The following GTF2E1 variants were observed in gnomAD, a reference collection of about 807,000 sequenced individuals.
The protein encoded by GTF2E1 is TFIIE alpha subunit.
In GTF2E1, 14 loss-of-function variants were observed where a neutral mutation model predicts 34.9. The ratio of observed to expected loss-of-function variants is 0.40; its 90% CI spans 0.27 to 0.63. The LOEUF is 0.63. Among genes scored for constraint, GTF2E1 ranks in the 20% least tolerant of loss-of-function variants. The pLI is 0.39. For missense variants in GTF2E1, 469 were observed against 557.7 expected (o/e 0.84, Z 1.60); for synonymous variants, 188 against 192.9 (o/e 0.97, Z 0.21).
Position 120,750,816 on chromosome 3 carries a change from C to T in GTF2E1, c.264C>T (p.Arg88=). 6.2e-7 allele frequency: 1 copy of T among 1,613,948 alleles called. No homozygotes were observed. The highest frequency in any genetic ancestry group is 1.6e-4 in the Middle Eastern group (1 of 6,062). The change falls in exon 2 of 5, where the codon CGC becomes CGT. Residue 88 remains arginine, a synonymous_variant. Coordinates refer to ENST00000283875, the MANE Select transcript of GTF2E1 (RefSeq NM_005513.3). The part of the protein sequence containing the change: ...VETAADGKTT[R]HNYYFINYRT... Reference sequence around the variant, plus strand: ...CTGCTGCAGACGGGAAAACCACTCGCCATAACTACTACTTCATCAATTATC... The same window carrying T: ...CTGCTGCAGACGGGAAAACCACTCGTCATAACTACTACTTCATCAATTATC...
intron 2 of GTF2E1, among the ~76,000 whole-genome samples, chr3:120,758,142 C>T (rs140981704): frequency 0.017 from 2,525 of 152,114 alleles, 41 homozygotes; most frequent in South Asian, 0.044. Flanking sequence ...GGCAACAGAG[C>T]GAAACTCTGT....
chr3:120,766,785 G>A (rs116435541), intron 2 of GTF2E1, among the ~76,000 whole-genome samples: 2,364 of 152,044 alleles, frequency 0.016, 34 homozygotes, highest in South Asian at 0.032. Flanking sequence ...TTGCTGACTG[G>A]TTCTGTCTGT....
intron 4 of GTF2E1, among the ~76,000 whole-genome samples, chr3:120,777,638 A>C (rs994603584): frequency 2.0e-5 from 3 of 152,154 alleles, no homozygotes; most frequent in Non-Finnish European, 2.9e-5. Flanking sequence ...TAATACCTCT[A>C]CTGTGATTCT....
intron 3 of GTF2E1, among the ~76,000 whole-genome samples, chr3:120,775,549 A>G (rs1709391993): frequency 6.6e-6 from 1 of 152,170 alleles, no homozygotes; most frequent in Non-Finnish European, 1.5e-5. Flanking sequence ...AGAATTTGGA[A>G]CAGATTGAGA....
chr3:120,763,238 C>T (rs1183090084), intron 2 of GTF2E1, among the ~76,000 whole-genome samples: 1 of 152,086 alleles, frequency 6.6e-6, no homozygotes, highest in African/African-American at 2.4e-5. Flanking sequence ...TAATATTCAT[C>T]CATGTATTAT....
At chr3:120,771,493 G>A (rs1559834110) in intron 3 of GTF2E1, among the ~76,000 whole-genome samples, 4 of 152,110 alleles carry the variant, frequency 2.6e-5, no homozygotes, top group African/African-American at 9.7e-5. Flanking sequence ...GCCAGAAAAG[G>A]TGGTTTATAT....
intron 1 of GTF2E1, among the ~76,000 whole-genome samples, chr3:120,744,684 T>C (rs1709090627): frequency 6.6e-6 from 1 of 152,210 alleles, no homozygotes; most frequent in Non-Finnish European, 1.5e-5. Flanking sequence ...TCTGTTCTCT[T>C]CTTGCAATTT....
intron 3 of GTF2E1, 76 bp downstream of exon 3, chr3:120,771,005 A>G: frequency 8.5e-7 from 1 of 1,179,364 alleles, no homozygotes; most frequent in Non-Finnish European, 1.3e-6. Context: ...ACCTTGGAGA[A>G]CAAGAGTGGG....
At chr3:120,763,930 T>C (rs779378408) in intron 2 of GTF2E1, among the ~76,000 whole-genome samples, 3 of 152,194 alleles carry the variant, frequency 2.0e-5, no homozygotes, top group Non-Finnish European at 2.9e-5. Flanking sequence ...TTCTATTTGC[T>C]TCCTCCCCAA....
chr3:120,743,055 T>A (rs752157266), intron 1 of GTF2E1: 1 of 160,216 alleles, frequency 6.2e-6, no homozygotes, highest in African/African-American at 2.4e-5. Context: ...GAGTCTCGCA[T>A]TGGGGAGGAG....
rs1051887779 is a variant in GTF2E1 at position 120,748,405 on chromosome 3, C to T, written c.-30-2118C>T. On this transcript the variant is annotated intron_variant, in intron 1 of 4. Coordinates refer to ENST00000283875, the MANE Select transcript of GTF2E1 (RefSeq NM_005513.3). ...TTAGGTCTAACATTTAAGTCTTTAA[C>T]CCGTCTTGAATTAATTTTTGTAAAA... Among the ~76,000 whole-genome samples, 12 of 152,208 alleles carry T rather than the reference C, an allele frequency of 7.9e-5. No homozygotes were observed. The East Asian group carries it at 9.6e-4, about 12-fold the overall frequency.
intron 3 of GTF2E1, among the ~76,000 whole-genome samples, chr3:120,771,856 A>T (rs1298119359): frequency 6.6e-6 from 1 of 152,214 alleles, no homozygotes; most frequent in East Asian, 1.9e-4. Flanking sequence ...TTTGCCTGTG[A>T]TAACAGAATA....
Position 120,758,411 on chromosome 3 carries a change from T to A in GTF2E1, c.448+7411T>A, listed in dbSNP as rs573450389. The stretch of plus-strand genomic sequence containing the variant: ...TAACAATGTAAAGTGATTCTTTTTT[T>A]ATTTTTTAAATTTTATTTTTTTATT... On this transcript the variant is annotated intron_variant, in intron 2 of 4. Transcript: ENST00000283875. 3.9e-5 allele frequency among the ~76,000 whole-genome samples: 6 copies of A among 152,304 alleles called. No individual in the cohort carries two copies. In the East Asian group the frequency reaches 9.7e-4, roughly 25 times the overall value.
chr3:120,769,388 T>C (rs1206420006), intron 2 of GTF2E1, among the ~76,000 whole-genome samples: 1 of 152,126 alleles, frequency 6.6e-6, no homozygotes, highest in East Asian at 1.9e-4. Context: ...GGGGAAACCA[T>C]GAAATGTCGG....
At chr3:120,743,886 G>A (rs1021763595) in intron 1 of GTF2E1, among the ~76,000 whole-genome samples, 6 of 152,170 alleles carry the variant, frequency 3.9e-5, no homozygotes, top group African/African-American at 1.4e-4. Flanking sequence ...CGTGCCTGGT[G>A]CACAGTAGTC....
At chr3:120,755,942 T>C (rs1709205081) in intron 2 of GTF2E1, among the ~76,000 whole-genome samples, 1 of 152,218 alleles carries the variant, frequency 6.6e-6, no homozygotes. Flanking sequence ...TGACTGAATC[T>C]CATTCTTTTT....
chr3:120,764,748 C>T (rs1709292604), intron 2 of GTF2E1, among the ~76,000 whole-genome samples: 1 of 152,142 alleles, frequency 6.6e-6, no homozygotes, highest in Non-Finnish European at 1.5e-5. Context: ...TTGTCAAACT[C>T]AAGAGAATAA....
chr3:120,756,426 T>C (rs1379043283), intron 2 of GTF2E1, among the ~76,000 whole-genome samples: 2 of 143,976 alleles, frequency 1.4e-5, no homozygotes, highest in African/African-American at 5.2e-5. Context: ...TAGACAATTA[T>C]GCCACAGAAC....
At chr3:120,780,689 T>C (rs572056926) in intron 4 of GTF2E1, among the ~76,000 whole-genome samples, 2 of 152,350 alleles carry the variant, frequency 1.3e-5, no homozygotes, top group South Asian at 2.1e-4. Flanking sequence ...CATTATCTTA[T>C]ATGTTTTTAT....
Sources: allele counts gnomAD v4.1 joint callset (sites outside exome capture counted in the v4.1 genomes callset), GRCh38; gene constraint gnomAD v4.1.1; transcripts MANE v1.5; gene names NCBI Gene and HGNC (gene_info 2026-07-23, HGNC 2026-07-21).